NLN: variants seen among roughly 807,000 people sequenced by gnomAD.
NLN encodes neurolysin, also known as neurolysin, mitochondrial.
A neutral mutation model predicts 79.9 loss-of-function variants in NLN; 64 were observed. The observed-to-expected ratio is 0.80, with a 90% CI of 0.65 to 0.99. NLN has a LOEUF of 0.99. NLN is among the 50% of genes least tolerant of loss of function. The probability of loss-of-function intolerance (pLI) is 0.00; values close to 1 mark genes in which losing one functional copy is unlikely to be tolerated. For missense variants in NLN, 835 were observed against 858.7 expected (o/e 0.97, Z 0.34); for synonymous variants, 267 against 296.6 (o/e 0.90, Z 1.02).
chr5:65,729,545 T>G (rs1349345029), intron 1 of NLN, among the ~76,000 whole-genome samples: 1 of 151,992 alleles, frequency 6.6e-6, no homozygotes, highest in Non-Finnish European at 1.5e-5. Context: ...CAGCTAATAT[T>G]TTGTATTTTT....
At chr5:65,754,103 G>T (rs985825577) in intron 1 of NLN, among the ~76,000 whole-genome samples, 10 of 152,098 alleles carry the variant, frequency 6.6e-5, no homozygotes, top group Admixed American at 5.9e-4. Context: ...TCCTATATGA[G>T]GCAAATAATA....
intron 1 of NLN, among the ~76,000 whole-genome samples, chr5:65,727,096 G>A (rs970051749): frequency 1.1e-4 from 16 of 152,162 alleles, no homozygotes; most frequent in African/African-American, 3.9e-4. Flanking sequence ...GATTATAGTT[G>A]CTGTTCAATT....
At chr5:65,762,508 A>G (rs910271456) in intron 2 of NLN, among the ~76,000 whole-genome samples, 1 of 152,014 alleles carries the variant, frequency 6.6e-6, no homozygotes, top group Non-Finnish European at 1.5e-5. Context: ...AATATGGCAA[A>G]ACTGCAGCTC....
intron 1 of NLN, among the ~76,000 whole-genome samples, chr5:65,725,725 A>G (rs1246799458): frequency 1.3e-5 from 2 of 152,216 alleles, no homozygotes; most frequent in African/African-American, 2.4e-5. Flanking sequence ...TGAAGTGACA[A>G]TCTCACTTTG....
rs140779562 is a variant in NLN at position 65,797,143 on chromosome 5, T to C, written c.1527+4488T>C. 5.7e-4 allele frequency among the ~76,000 whole-genome samples: 87 copies of C among 152,368 alleles called. 3 individuals carry two copies. The East Asian group carries it at 6.5e-3, about 11-fold the overall frequency. On this transcript the variant is annotated intron_variant, in intron 9 of 12. Coordinates refer to ENST00000380985, the MANE Select transcript of NLN (RefSeq NM_020726.5). ...TATCTGTTCCTGTTGCATGGCTTTA[T>C]TGTGGTTTGAGCTGTCAGTAATCAC...
intron 1 of NLN, chr5:65,733,097 G>T: frequency 7.1e-7 from 1 of 1,401,966 alleles, no homozygotes; most frequent in Non-Finnish European, 1.0e-6. Flanking sequence ...CTCTCCCCAG[G>T]TGCCTCAAGA....
chr5:65,758,475 A>T, intron 1 of NLN, 92 bp from the exon 2 acceptor site: 1 of 846,318 alleles, frequency 1.2e-6, no homozygotes, highest in Non-Finnish European at 1.8e-6. Context: ...GGTTCTTTTT[A>T]ATTTAATATT....
At chr5:65,780,363 A>G (rs1173445137) in intron 5 of NLN, 82 bp downstream of exon 5, 1 of 581,270 alleles carries the variant, frequency 1.7e-6, no homozygotes, top group East Asian at 3.3e-5. Flanking sequence ...CTTTCCAGAT[A>G]CAAAATTTCT....
chr5:65,779,287 G>A (rs1478503452), intron 4 of NLN, among the ~76,000 whole-genome samples: 3 of 152,084 alleles, frequency 2.0e-5, no homozygotes, highest in African/African-American at 4.8e-5. Flanking sequence ...CCTAGCCAGG[G>A]CCACACTTTG....
chr5:65,787,077 C>T (rs536816822), intron 7 of NLN, among the ~76,000 whole-genome samples: 7 of 152,206 alleles, frequency 4.6e-5, no homozygotes, highest in African/African-American at 1.7e-4. Flanking sequence ...ACCTGATTAA[C>T]TTAATTCATT....
chr5:65,738,696 C>T (rs1033048963), intron 1 of NLN, among the ~76,000 whole-genome samples: 1 of 151,664 alleles, frequency 6.6e-6, no homozygotes, highest in Non-Finnish European at 1.5e-5. Flanking sequence ...ATCCTTTGAC[C>T]AGCATCTCTC....
chr5:65,765,599 C>T (rs1759434970), intron 3 of NLN, among the ~76,000 whole-genome samples: 1 of 151,910 alleles, frequency 6.6e-6, no homozygotes, highest in Admixed American at 6.6e-5. Flanking sequence ...GTCCCAGCTA[C>T]TCGGGAGGCT....
chr5:65,769,056 A>C (rs569188036), intron 3 of NLN, among the ~76,000 whole-genome samples: 2 of 152,348 alleles, frequency 1.3e-5, no homozygotes, highest in African/African-American at 4.8e-5. Context: ...GACTTCTTTC[A>C]TGAGACTCAG....
intron 1 of NLN, among the ~76,000 whole-genome samples, chr5:65,735,184 G>C (rs1758704697): frequency 6.6e-6 from 1 of 152,096 alleles, no homozygotes; most frequent in Non-Finnish European, 1.5e-5. Context: ...CATGAATAAG[G>C]AGGTGTTTGC....
chr5:65,748,994 G>A (rs973175203), intron 1 of NLN, among the ~76,000 whole-genome samples: 3 of 152,154 alleles, frequency 2.0e-5, no homozygotes, highest in African/African-American at 7.2e-5. Context: ...TCTCGTGATA[G>A]TGAATAAGTC....
In NLN at chr5:65,753,237, A is replaced by T. The variant is rs1361100282; in HGVS notation, c.42-5330A>T. Among the ~76,000 whole-genome samples, 4 of 152,218 alleles carry T rather than the reference A, an allele frequency of 2.6e-5. 1 individual carries two copies. The highest frequency in any genetic ancestry group is 3.8e-4 in the East Asian group (2 of 5,204). On this transcript the variant is annotated intron_variant, in intron 1 of 12. Transcript: ENST00000380985. ...TTGTGTCAATTAAAAACAAAATAAG[A>T]CTTAACAAACAATCAGATATGCTGT...
intron 1 of NLN, among the ~76,000 whole-genome samples, chr5:65,738,552 G>A (rs2561221): frequency 0.24 from 35,928 of 151,896 alleles, 4,396 homozygotes; most frequent in African/African-American, 0.27. Flanking sequence ...TAGCCTGGGC[G>A]ACAGAGCAAG....
At chr5:65,793,187 T>TAA (rs1760104634) in intron 9 of NLN, 1 of 195,968 alleles carries the variant, frequency 5.1e-6, no homozygotes, top group Non-Finnish European at 1.0e-5. Context: ...TTAAAACTGA[T>TAA]TTTTTTATTT....
Position 65,812,375 on chromosome 5 carries a change from G to A in NLN, c.1964G>A (p.Gly655Glu), listed in dbSNP as rs1343636743. Residue 655 changes from glycine (G) to glutamate (E), a missense_variant, in exon 12 of 13, where the codon GGG becomes GAG. Physicochemically the swap from Gly to Glu is moderately conservative, Grantham distance 98. Coordinates refer to ENST00000380985, the MANE Select transcript of NLN (RefSeq NM_020726.5). Reference sequence around the variant, plus strand: ...TTTTACAGCTGTTTTAAAAAAGAAGGGATAATGAATCCAGAGGTATAGTAT... The same window carrying A: ...TTTTACAGCTGTTTTAAAAAAGAAGAGATAATGAATCCAGAGGTATAGTAT... ...DMFYSCFKKE[G>E]IMNPEVGMKY... is the part of the protein sequence containing the mutation. 22 of 1,553,232 alleles carry A rather than the reference G, an allele frequency of 1.4e-5. 1 individual carries two copies. Among genetic ancestry groups the A allele is most frequent in the Non-Finnish European group, 1.7e-5 (19 of 1,125,372 alleles).
Sources: gnomAD v4.1 joint callset for allele counts (sites outside exome capture counted in the v4.1 genomes callset) on GRCh38, gnomAD v4.1.1 for gene constraint, MANE v1.5 for transcripts, NCBI Gene and HGNC (gene_info 2026-07-23, HGNC 2026-07-21) for gene names.